The following ACCSL variants were observed in gnomAD, a reference collection of about 807,000 sequenced individuals.
ACCSL encodes 1-aminocyclopropane-1-carboxylate synthase homolog (inactive) like.
In ACCSL, 55 loss-of-function variants were observed where a neutral mutation model predicts 61.7. The observed-to-expected ratio is 0.89, with a 90% CI of 0.72 to 1.12. ACCSL has a LOEUF of 1.12. ACCSL is among the 50% of genes most tolerant of loss of function. ACCSL has a pLI of 0.00. For missense variants in ACCSL, 632 were observed against 698.0 expected (o/e 0.91, Z 1.07); for synonymous variants, 258 against 264.3 (o/e 0.98, Z 0.23).
At chr11:43,988,607 A>G in the ACCSL span, among the ~76,000 whole-genome samples, 3 of 151,810 alleles carry the variant, frequency 2.0e-5, no homozygotes, top group Non-Finnish European at 4.4e-5. Flanking sequence ...TAGCGTGGTA[A>G]TAAGGAAAGT....
the ACCSL span, among the ~76,000 whole-genome samples, chr11:44,013,800 G>C: frequency 6.8e-6 from 1 of 146,794 alleles, no homozygotes; most frequent in East Asian, 2.0e-4. Context: ...CTTGATTGCA[G>C]CAAGACTTGA....
chr11:43,993,070 G>A, the ACCSL span, among the ~76,000 whole-genome samples: 5 of 137,898 alleles, frequency 3.6e-5, no homozygotes, highest in Non-Finnish European at 6.7e-5. Context: ...TGCTAGAGCG[G>A]AATCACAGTC....
At chr11:43,955,172 C>T in the ACCSL span, among the ~76,000 whole-genome samples, 2 of 152,150 alleles carry the variant, frequency 1.3e-5, no homozygotes, top group Admixed American at 6.5e-5. Flanking sequence ...TAATGGTCCA[C>T]AAAAGTCAAT....
chr11:43,993,647 G>C, the ACCSL span, among the ~76,000 whole-genome samples: 2 of 151,528 alleles, frequency 1.3e-5, no homozygotes, highest in Non-Finnish European at 2.9e-5. Context: ...TGCCGGAATG[G>C]GCAGCATCAC....
the ACCSL span, among the ~76,000 whole-genome samples, chr11:44,001,681 G>A: frequency 6.6e-6 from 1 of 151,884 alleles, no homozygotes; most frequent in Non-Finnish European, 1.5e-5. Flanking sequence ...AAATCTAAAT[G>A]TGGGTGGACA....
At chr11:44,055,095 C>A in intron 8 of ACCSL, 107 bp from the exon 9 acceptor site, 1 of 780,354 alleles carries the variant, frequency 1.3e-6, no homozygotes, top group Non-Finnish European at 2.1e-6. Context: ...CAGAGAACAC[C>A]ATAAAAGACA....
chr11:43,990,898 C>G, the ACCSL span, among the ~76,000 whole-genome samples: 1 of 152,092 alleles, frequency 6.6e-6, no homozygotes, highest in South Asian at 2.1e-4. Flanking sequence ...GAGTAAAATC[C>G]TGCCTCTACT....
chr11:44,034,751 G>A, the ACCSL span, among the ~76,000 whole-genome samples: 1 of 152,122 alleles, frequency 6.6e-6, no homozygotes, highest in Non-Finnish European at 1.5e-5. Context: ...TTTGGGTGGG[G>A]ACATACCCAA....
At chr11:43,949,366 G>A in the ACCSL span, among the ~76,000 whole-genome samples, 1 of 152,172 alleles carries the variant, frequency 6.6e-6, no homozygotes, top group Non-Finnish European at 1.5e-5. Flanking sequence ...TGGGGAATAA[G>A]CACAGAGTGG....
chr11:43,975,907 A>G, the ACCSL span, among the ~76,000 whole-genome samples: 2 of 152,190 alleles, frequency 1.3e-5, no homozygotes, highest in Non-Finnish European at 2.9e-5. Context: ...ACATTTGCCC[A>G]GTCTGGATCT....
the ACCSL span, among the ~76,000 whole-genome samples, chr11:44,008,914 C>T: frequency 6.6e-6 from 1 of 152,204 alleles, no homozygotes; most frequent in Admixed American, 6.5e-5. Context: ...AGCCTGTGAT[C>T]CCAGCACTTT....
the ACCSL span, among the ~76,000 whole-genome samples, chr11:43,942,097 G>C: frequency 6.6e-6 from 1 of 150,470 alleles, no homozygotes; most frequent in Non-Finnish European, 1.5e-5. Flanking sequence ...CCTGCGGAGG[G>C]GGGTGGCAAG....
the ACCSL span, among the ~76,000 whole-genome samples, chr11:43,936,974 A>G: frequency 2.2e-3 from 342 of 152,182 alleles, 11 homozygotes; most frequent in East Asian, 0.051. Context: ...GACCTCTGCT[A>G]TGAAGCACGC....
the ACCSL span, among the ~76,000 whole-genome samples, chr11:44,028,220 G>T: frequency 1.3e-5 from 2 of 151,980 alleles, no homozygotes; most frequent in Non-Finnish European, 2.9e-5. Context: ...AAGATATGGT[G>T]CAGGTGGTAT....
chr11:44,033,305 T>C, the ACCSL span, among the ~76,000 whole-genome samples: 1 of 152,164 alleles, frequency 6.6e-6, no homozygotes, highest in Non-Finnish European at 1.5e-5. Flanking sequence ...GAGCTGGGAC[T>C]TGAACTTGCG....
chr11:43,990,418 C>T, the ACCSL span, among the ~76,000 whole-genome samples: 94 of 152,132 alleles, frequency 6.2e-4, no homozygotes, highest in African/African-American at 2.2e-3. Context: ...GCCTTCTTAC[C>T]GTTTCCTCGC....
chr11:43,951,205 T>G, the ACCSL span, among the ~76,000 whole-genome samples: 6 of 152,164 alleles, frequency 3.9e-5, no homozygotes, highest in Non-Finnish European at 8.8e-5. Flanking sequence ...TAGAAAGTCA[T>G]AGAGAGAACC....
At chr11:44,032,065 A>C in the ACCSL span, among the ~76,000 whole-genome samples, 83 of 152,246 alleles carry the variant, frequency 5.5e-4, 1 homozygote, top group East Asian at 7.7e-3. Flanking sequence ...TGTGTGACAA[A>C]CTGTCCTCAT....
intron 3 of ACCSL, 98 bp downstream of exon 3, chr11:44,050,720 C>T (rs1333410197): frequency 1.8e-6 from 2 of 1,121,826 alleles, no homozygotes; most frequent in East Asian, 2.4e-5. Context: ...TGGTTACCTC[C>T]CTATCTCTTT....
Sources: gnomAD v4.1 joint callset for allele counts (sites outside exome capture counted in the v4.1 genomes callset) on GRCh38, gnomAD v4.1.1 for gene constraint, MANE v1.5 for transcripts, NCBI Gene and HGNC (gene_info 2026-07-23, HGNC 2026-07-21) for gene names.